The following FHOD3 variants were observed in gnomAD, a reference collection of about 807,000 sequenced individuals.
FHOD3 encodes the protein FH1/FH2 domain-containing protein 3.
Under a neutral mutation model 173.0 loss-of-function variants are expected in FHOD3, and 90 were observed. The ratio of observed to expected loss-of-function variants is 0.52; its 90% CI spans 0.44 to 0.62. FHOD3 has a LOEUF of 0.62. FHOD3 is among the 20% of genes least tolerant of loss of function. The pLI, the probability that FHOD3 is intolerant of heterozygous loss-of-function variation, is 0.00. For missense variants in FHOD3, 1,945 were observed against 2,034.7 expected (o/e 0.96, Z 0.85); for synonymous variants, 828 against 823.0 (o/e 1.01, Z -0.10).
intron 14 of FHOD3, among the ~76,000 whole-genome samples, chr18:36,668,770 T>C (rs2037346047): frequency 6.6e-6 from 1 of 152,108 alleles, no homozygotes; most frequent in African/African-American, 2.4e-5. Context: ...TTATTTAGCT[T>C]ATAAGTATTT....
chr18:36,468,916 T>C (rs1568312534), intron 3 of FHOD3, among the ~76,000 whole-genome samples: 1 of 151,596 alleles, frequency 6.6e-6, no homozygotes, highest in Non-Finnish European at 1.5e-5. Flanking sequence ...GTCTGGAAAA[T>C]ACAACAGACA....
chr18:36,725,881 T>C (rs1600434250), intron 19 of FHOD3, among the ~76,000 whole-genome samples: 1 of 152,198 alleles, frequency 6.6e-6, no homozygotes, highest in East Asian at 1.9e-4. Context: ...TGTACTATTA[T>C]TCTATTCTGT....
chr18:36,324,924 G>A (rs897836234), intron 1 of FHOD3, among the ~76,000 whole-genome samples: 52 of 152,236 alleles, frequency 3.4e-4, no homozygotes, highest in African/African-American at 1.2e-3. Context: ...TGGAAACAAT[G>A]CAATGTTCAT....
At chr18:36,778,222 G>A (rs1467230426) in intron 28 of FHOD3, 1 of 152,234 alleles carries the variant, frequency 6.6e-6, no homozygotes, top group Non-Finnish European at 1.5e-5. Flanking sequence ...GATGCATGAG[G>A]TGGGCCCTGG....
At position 36,676,038 on chromosome 18, in the gene FHOD3, A is replaced by G. The variant is rs2037835050; in HGVS notation, c.1836-5398A>G. Among the ~76,000 whole-genome samples, 3 of 152,356 alleles carry G rather than the reference A, an allele frequency of 2.0e-5. No homozygotes were observed. In the South Asian group the frequency reaches 6.2e-4, roughly 32 times the overall value. On this transcript the variant is annotated intron_variant, in intron 14 of 28. Coordinates refer to ENST00000590592, the MANE Select transcript of FHOD3 (RefSeq NM_001281740.3). ...TATTTAAGAGAAATAGAATGGCTTT[A>G]AAATATATATTCAGGACTTACAGAA...
chr18:36,723,019 G>A (rs1034476014), intron 19 of FHOD3, among the ~76,000 whole-genome samples: 8 of 152,342 alleles, frequency 5.3e-5, no homozygotes, highest in African/African-American at 1.9e-4. Flanking sequence ...AGTGTGCCCA[G>A]ACACTTCTGG....
intron 10 of FHOD3, among the ~76,000 whole-genome samples, chr18:36,640,031 C>T (rs2035194194): frequency 6.6e-6 from 1 of 152,078 alleles, no homozygotes; most frequent in South Asian, 2.1e-4. Flanking sequence ...ATATGCTTGA[C>T]CCTTTAATAT....
chr18:36,453,828 T>C (rs997206242), intron 3 of FHOD3, among the ~76,000 whole-genome samples: 1 of 152,160 alleles, frequency 6.6e-6, no homozygotes, highest in Non-Finnish European at 1.5e-5. Flanking sequence ...GGGCCAGGGC[T>C]GGAGTCCAGG....
chr18:36,406,451 C>T (rs1436698060), intron 3 of FHOD3, among the ~76,000 whole-genome samples: 3 of 151,984 alleles, frequency 2.0e-5, no homozygotes, highest in Admixed American at 6.6e-5. Context: ...ATGAGGATGG[C>T]GCATTTGGGT....
intron 1 of FHOD3, among the ~76,000 whole-genome samples, chr18:36,345,360 C>A (rs781465705): frequency 6.6e-6 from 1 of 152,054 alleles, no homozygotes; most frequent in Admixed American, 6.5e-5. Context: ...TATTTTGAAT[C>A]GAACATAATG....
Position 36,725,050 on chromosome 18 carries a change from T to G in FHOD3, c.3418-5596T>G, listed in dbSNP as rs531056315. On this transcript the variant is annotated intron_variant, in intron 19 of 28. Transcript: ENST00000590592. ...CCATGGTTTCCCACACACTATCTCATGTCCGCCTTTTTGCTGACCACCCAA... is the reference window on the plus strand; with the variant it reads ...CCATGGTTTCCCACACACTATCTCAGGTCCGCCTTTTTGCTGACCACCCAA... Among the ~76,000 whole-genome samples, 46 of 152,340 alleles carry G rather than the reference T, an allele frequency of 3.0e-4. 1 individual carries two copies. Among genetic ancestry groups the G allele is most frequent in the African/African-American group, 1.0e-3 (43 of 41,588 alleles).
intron 3 of FHOD3, among the ~76,000 whole-genome samples, chr18:36,408,661 C>A (rs1018509109): frequency 6.6e-6 from 1 of 152,138 alleles, no homozygotes; most frequent in African/African-American, 2.4e-5. Flanking sequence ...AGGGGTTGGA[C>A]AGCCAGTGAT....
At chr18:36,636,657 T>TG (rs2034908301) in intron 10 of FHOD3, among the ~76,000 whole-genome samples, 1 of 99,616 alleles carries the variant, frequency 1.0e-5, no homozygotes, top group Non-Finnish European at 2.1e-5. Context: ...ATTCCTGAGG[T>TG]TTTTTTTTTT....
intron 5 of FHOD3, among the ~76,000 whole-genome samples, chr18:36,561,887 T>C (rs189934649): frequency 1.6e-4 from 25 of 152,302 alleles, no homozygotes; most frequent in Admixed American, 1.0e-3. Flanking sequence ...TAAAAATATG[T>C]TGGGCAGGCT....
intron 6 of FHOD3, among the ~76,000 whole-genome samples, chr18:36,587,184 T>C (rs12963116): frequency 0.29 from 43,480 of 152,010 alleles, 6,551 homozygotes; most frequent in Admixed American, 0.36. Flanking sequence ...AGAATGCCAC[T>C]TTTCTTTTTG....
At chr18:36,693,974 A>G (rs764256412) in intron 17 of FHOD3, among the ~76,000 whole-genome samples, 1 of 152,208 alleles carries the variant, frequency 6.6e-6, no homozygotes, top group Non-Finnish European at 1.5e-5. Flanking sequence ...TTATGTACAG[A>G]CAGGCAAGCT....
chr18:36,311,167 G>A (rs1455754782), intron 1 of FHOD3, among the ~76,000 whole-genome samples: 6 of 152,186 alleles, frequency 3.9e-5, no homozygotes, highest in Admixed American at 2.6e-4. Flanking sequence ...AGATAGCATG[G>A]GAGGAGGAAG....
At chr18:36,464,006 T>A (rs2052752481) in intron 3 of FHOD3, among the ~76,000 whole-genome samples, 2 of 152,234 alleles carry the variant, frequency 1.3e-5, no homozygotes, top group Admixed American at 6.5e-5. Context: ...ATTGCTAGAA[T>A]TGTTCTCAAT....
intron 5 of FHOD3, among the ~76,000 whole-genome samples, chr18:36,559,795 A>G (rs1408704233): frequency 6.6e-6 from 1 of 151,992 alleles, no homozygotes. Context: ...ATGAGAACAC[A>G]TTGCTAGGGC....
Sources: gnomAD v4.1 joint callset for allele counts (sites outside exome capture counted in the v4.1 genomes callset) on GRCh38, gnomAD v4.1.1 for gene constraint, MANE v1.5 for transcripts, NCBI Gene and HGNC (gene_info 2026-07-23, HGNC 2026-07-21) for gene names.